RBPMS: variants seen among roughly 807,000 people sequenced by gnomAD.
RBPMS encodes RNA binding protein, mRNA processing factor, also known as RNA-binding protein with multiple splicing.
RBPMS carries 7 observed loss-of-function variants against 26.8 expected under a neutral mutation model. The ratio of observed to expected loss-of-function variants is 0.26; its 90% CI spans 0.15 to 0.49. The LOEUF (loss-of-function observed/expected upper bound fraction) is 0.49, where lower values mean the gene tolerates loss of function less well. Ranked by LOEUF, RBPMS falls within the 20% of genes least tolerant of loss-of-function variation. The probability of loss-of-function intolerance (pLI) is 0.98; values close to 1 mark genes in which losing one functional copy is unlikely to be tolerated. For synonymous variants in RBPMS, 96 were observed against 93.3 expected, an observed-to-expected ratio of 1.03 and a Z score of -0.17; for missense variants, 186 against 250.0, an observed-to-expected ratio of 0.74 and a Z score of 1.73.
rs145420957 is a variant in RBPMS, at chr8:30,518,041, C to T, written c.397+13605C>T. Among the ~76,000 whole-genome samples, 13 of 152,268 alleles carry T rather than the reference C, an allele frequency of 8.5e-5. No homozygotes were observed. In the East Asian group the frequency reaches 2.5e-3, roughly 29 times the overall value. On this transcript the variant is annotated intron_variant, in intron 5 of 8. Coordinates refer to ENST00000397323, the MANE Select transcript of RBPMS (RefSeq NM_001008710.3). ...TGCCGCATTTAGGAAATCTAGATAC[C>T]ATTTGTTCTGTGAATAGGAGGAAAC...
chr8:30,387,100 T>C (rs1011876395), intron 1 of RBPMS: 35 of 152,178 alleles, frequency 2.3e-4, no homozygotes, highest in African/African-American at 8.4e-4. Flanking sequence ...TCCTGTTATC[T>C]GACAGCGTTC....
In RBPMS at chr8:30,521,448, G is replaced by A. The variant is rs142024980; in HGVS notation, c.397+17012G>A. On this transcript the variant is annotated intron_variant, in intron 5 of 8. Transcript: ENST00000397323. ...GAGGTTGAATTTAGTTGACTTTTTC[G>A]TTGTACGTTTATGAAGAATAGATGA... is the stretch of plus-strand genomic sequence containing the variant. 1.8e-4 allele frequency among the ~76,000 whole-genome samples: 28 copies of A among 152,236 alleles called. 1 individual carries two copies. The East Asian group carries it at 3.9e-3, about 21-fold the overall frequency.
intron 1 of RBPMS, among the ~76,000 whole-genome samples, chr8:30,444,347 GT>G (rs1271068171): frequency 6.6e-6 from 1 of 152,170 alleles, no homozygotes; most frequent in African/African-American, 2.4e-5. Flanking sequence ...GCTATAAATA[GT>G]TTTACATCAC....
At chr8:30,519,500 T>G (rs1295762503) in intron 5 of RBPMS, among the ~76,000 whole-genome samples, 5 of 76,926 alleles carry the variant, frequency 6.5e-5, no homozygotes, top group African/African-American at 2.1e-4. Flanking sequence ...TTTTTTTTTT[T>G]GGAGACGGAG....
intron 5 of RBPMS, among the ~76,000 whole-genome samples, chr8:30,529,152 G>C (rs753815619): frequency 1.3e-4 from 19 of 151,988 alleles, no homozygotes; most frequent in Non-Finnish European, 2.5e-4. Context: ...CCAGGAGGCA[G>C]AGGTCACAAT....
At chr8:30,550,032 A>G (rs1826229951) in intron 6 of RBPMS, among the ~76,000 whole-genome samples, 3 of 151,602 alleles carry the variant, frequency 2.0e-5, no homozygotes. Context: ...TTGTATTTTT[A>G]GTAGAGACGG....
chr8:30,473,252 C>T (rs115598893), intron 1 of RBPMS, among the ~76,000 whole-genome samples: 20 of 152,224 alleles, frequency 1.3e-4, no homozygotes, highest in African/African-American at 4.6e-4. Context: ...TTGGTGAATC[C>T]TTTTCTCTGC....
chr8:30,419,646 A>T (rs977286846), intron 1 of RBPMS, among the ~76,000 whole-genome samples: 1 of 152,146 alleles, frequency 6.6e-6, no homozygotes, highest in Non-Finnish European at 1.5e-5. Context: ...GAGTATTAAA[A>T]ATGTTTTATA....
At chr8:30,538,785 T>C (rs1261258952) in intron 5 of RBPMS, among the ~76,000 whole-genome samples, 2 of 152,136 alleles carry the variant, frequency 1.3e-5, no homozygotes, top group Non-Finnish European at 2.9e-5. Flanking sequence ...AGAGATACCA[T>C]TCCAGTCCCT....
intron 1 of RBPMS, among the ~76,000 whole-genome samples, chr8:30,438,854 G>A (rs6415405): frequency 0.83 from 126,370 of 152,086 alleles, 53,119 homozygotes; most frequent in African/African-American, 0.96. Flanking sequence ...GCTCACTGTA[G>A]CCTCCACCTC....
intron 4 of RBPMS, among the ~76,000 whole-genome samples, chr8:30,500,669 A>G (rs971710273): frequency 2.6e-5 from 4 of 152,154 alleles, no homozygotes; most frequent in Non-Finnish European, 5.9e-5. Context: ...GCTTTGGTCA[A>G]CACCATTTTC....
rs1262387078 is a variant in RBPMS at position 30,570,978 on chromosome 8, T to C, written c.*453T>C. 2 of 152,218 alleles carry C rather than the reference T, an allele frequency of 1.3e-5. No homozygotes were observed. The highest frequency in any genetic ancestry group is 4.8e-5 in the African/African-American group (2 of 41,450). The allele number at this position is 152,218 out of a possible 1,614,324, so 9.4% of individuals were successfully genotyped here. The stretch of plus-strand genomic sequence containing the variant: ...TTTTGAATGCTTGTAATTAAAAATA[T>C]CTATTTTTTTCCTCTGAAGTAAGTT... On this transcript the variant is annotated 3_prime_UTR_variant, in exon 9 of 9. Coordinates refer to ENST00000397323, the MANE Select transcript of RBPMS (RefSeq NM_001008710.3).
intron 5 of RBPMS, among the ~76,000 whole-genome samples, chr8:30,520,492 G>C (rs1489625313): frequency 1.3e-5 from 2 of 152,070 alleles, no homozygotes; most frequent in Non-Finnish European, 2.9e-5. Flanking sequence ...GTATCTTTTT[G>C]ATAGAAGGAA....
chr8:30,430,462 A>G (rs1811813470), intron 1 of RBPMS, among the ~76,000 whole-genome samples: 1 of 152,208 alleles, frequency 6.6e-6, no homozygotes, highest in Non-Finnish European at 1.5e-5. Context: ...TACATTTTTC[A>G]GAGTTTGTAA....
intron 8 of RBPMS, among the ~76,000 whole-genome samples, chr8:30,569,408 G>A (rs115815305): frequency 0.011 from 1,697 of 152,324 alleles, 28 homozygotes; most frequent in African/African-American, 0.04. Context: ...GGAGCTCAGA[G>A]GAGGAAGCCC....
chr8:30,565,678 C>A (rs1827841008), intron 7 of RBPMS: 1 of 152,284 alleles, frequency 6.6e-6, no homozygotes. Context: ...AATGTGCATC[C>A]TTTTAGTTTT....
chr8:30,413,160 C>T (rs543996205), intron 1 of RBPMS, among the ~76,000 whole-genome samples: 3 of 152,304 alleles, frequency 2.0e-5, no homozygotes, highest in Admixed American at 6.5e-5. Context: ...CTCACTGCAG[C>T]CTCTGCCACT....
chr8:30,548,568 T>A (rs1826046596), intron 6 of RBPMS, among the ~76,000 whole-genome samples: 1 of 152,204 alleles, frequency 6.6e-6, no homozygotes. Context: ...TTTAAAATTA[T>A]AACAGACTGC....
In RBPMS at chr8:30,525,827, T is replaced by C. The variant is rs556819152; in HGVS notation, c.398-18667T>C. On this transcript the variant is annotated intron_variant, in intron 5 of 8. Transcript: ENST00000397323. ...CTCTGCAGGTTGCAGCTCCTCCAGC[T>C]GGCCTTCCTAGCCCTGACCAATTAC... is the stretch of plus-strand genomic sequence containing the variant. Among the ~76,000 whole-genome samples, 204 of 152,356 alleles carry C rather than the reference T, an allele frequency of 1.3e-3. 3 individuals are homozygous for C. Among genetic ancestry groups the C allele is most frequent in the South Asian group, 0.012 (59 of 4,826 alleles).
Sources: allele counts gnomAD v4.1 joint callset (sites outside exome capture counted in the v4.1 genomes callset), GRCh38; gene constraint gnomAD v4.1.1; transcripts MANE v1.5; gene names NCBI Gene and HGNC (gene_info 2026-07-23, HGNC 2026-07-21).